CCNB3: variants seen among roughly 807,000 people sequenced by gnomAD.
The protein encoded by CCNB3 is cyclin B3, also known as G2/mitotic-specific cyclin-B3.
A neutral mutation model predicts 68.0 loss-of-function variants in CCNB3; 12 were observed. The observed-to-expected ratio is 0.18, with a 90% CI of 0.11 to 0.29. CCNB3 has a LOEUF of 0.29. CCNB3 is among the 10% of genes least tolerant of loss of function. The pLI, the probability that CCNB3 is intolerant of heterozygous loss-of-function variation, is 1.00. For synonymous variants in CCNB3, 354 were observed against 388.9 expected (o/e 0.91, Z 1.06); for missense variants, 904 against 993.1 (o/e 0.91, Z 1.21).
chrX:50,346,537 A>G, intron 9 of CCNB3, 115 bp from the exon 10 acceptor site: 1 of 748,119 alleles, frequency 1.3e-6, no homozygotes, highest in Non-Finnish European at 2.0e-6. Context: ...TCTCAGAGAT[A>G]CCCTGAAGAT....
intron 1 of CCNB3, among the ~76,000 whole-genome samples, chrX:50,213,510 A>G (rs2033637039): frequency 9.0e-6 from 1 of 111,603 alleles, no homozygotes; most frequent in Admixed American, 9.6e-5. Context: ...GCATCACTGT[A>G]AAAGTGTTCT....
At chrX:50,222,969 C>CT (rs1234978301) in intron 1 of CCNB3, among the ~76,000 whole-genome samples, 5 of 110,306 alleles carry the variant, frequency 4.5e-5, no homozygotes, top group Non-Finnish European at 7.6e-5. Flanking sequence ...CGTTCCTTTT[C>CT]TTTTTTTTCT....
intron 11 of CCNB3, among the ~76,000 whole-genome samples, chrX:50,351,039 C>T (rs1400233288): frequency 9.0e-6 from 1 of 111,316 alleles, no homozygotes; most frequent in Non-Finnish European, 1.9e-5. Context: ...TATAGCCATC[C>T]CAGTAGTTTG....
chrX:50,340,238 C>A (rs1923056871), intron 8 of CCNB3, among the ~76,000 whole-genome samples: 1 of 111,507 alleles, frequency 9.0e-6, no homozygotes, highest in African/African-American at 3.3e-5. Flanking sequence ...AAGGGGAGGT[C>A]CACTTAAGTG....
At position 50,346,810 on chromosome X, in the gene CCNB3, A is replaced by G. The variant is rs781940521; in HGVS notation, c.3810+3A>G. 1 of 1,206,099 alleles carries G rather than the reference A, an allele frequency of 8.3e-7. No individual in the cohort carries two copies. Among genetic ancestry groups the G allele is most frequent in the South Asian group, 1.8e-5 (1 of 55,616 alleles). On this transcript the variant is annotated splice_donor_region_variant and intron_variant, in intron 10 of 12. Transcript: ENST00000376042. ...ATTTTCTGCGCAGATATGCTAGGGT[A>G]AGAGAGAAGAGACACATCTTCATTC... is the stretch of plus-strand genomic sequence containing the variant.
chrX:50,351,570 C>T, intron 12 of CCNB3, 37 bp from the exon 13 acceptor site: 1 of 1,141,076 alleles, frequency 8.8e-7, no homozygotes, highest in African/African-American at 1.8e-5. Flanking sequence ...TGTATTTGCC[C>T]TATTCTATGC....
chrX:50,342,471 C>A, intron 9 of CCNB3, 132 bp downstream of exon 9: 1 of 598,336 alleles, frequency 1.7e-6, no homozygotes, highest in Non-Finnish European at 2.4e-6. Flanking sequence ...ACTGCTTATA[C>A]TATGGTGGTC....
chrX:50,295,773 G>A lies in CCNB3; in HGVS notation c.335+780G>A, dbSNP rs182446339. On this transcript the variant is annotated intron_variant, in intron 5 of 12. Coordinates refer to ENST00000376042, the MANE Select transcript of CCNB3 (RefSeq NM_033031.3). ...ATCCTGTATCTCTTGGAAACATGTA[G>A]GGCTGCTATTTAGCCAACACATACC... 7.2e-5 allele frequency among the ~76,000 whole-genome samples: 8 copies of A among 111,298 alleles called. No individual in the cohort carries two copies. In the East Asian group the frequency reaches 2.3e-3, roughly 32 times the overall value.
At chrX:50,323,566 TA>T (rs1434697000) in intron 8 of CCNB3, among the ~76,000 whole-genome samples, 2 of 112,138 alleles carry the variant, frequency 1.8e-5, no homozygotes, top group Admixed American at 9.4e-5. Context: ...TAAAGTATAA[TA>T]AAAAAAATTT....
chrX:50,290,305 C>A (rs934695475), intron 4 of CCNB3, among the ~76,000 whole-genome samples: 13 of 111,756 alleles, frequency 1.2e-4, no homozygotes, highest in African/African-American at 3.9e-4. Flanking sequence ...GATCAAGGTG[C>A]TGGCAGATTT....
chrX:50,280,182 T>A (rs1936105310), intron 1 of CCNB3, among the ~76,000 whole-genome samples: 1 of 90,761 alleles, frequency 1.1e-5, no homozygotes, highest in Non-Finnish European at 2.1e-5. Context: ...AATATATATA[T>A]AAATATATAT....
chrX:50,222,063 T>A (rs1935682570), intron 1 of CCNB3, among the ~76,000 whole-genome samples: 1 of 110,868 alleles, frequency 9.0e-6, no homozygotes, highest in Non-Finnish European at 1.9e-5. Context: ...TGGTTTAAAG[T>A]CTGTTTTAGA....
chrX:50,318,446 G>C (rs1921849562), intron 8 of CCNB3, among the ~76,000 whole-genome samples: 1 of 111,170 alleles, frequency 9.0e-6, no homozygotes, highest in Non-Finnish European at 1.9e-5. Context: ...CTGGGAGGCG[G>C]AAGTTACAGT....
chrX:50,349,237 T>A (rs1008024958), intron 11 of CCNB3, among the ~76,000 whole-genome samples: 25 of 112,045 alleles, frequency 2.2e-4, no homozygotes, highest in Non-Finnish European at 4.5e-4. Context: ...GAGTGTGTTG[T>A]GTTTAGGGCA....
intron 1 of CCNB3, among the ~76,000 whole-genome samples, chrX:50,228,748 AATATATAGAAATAT>A (rs1935988394): frequency 1.5e-5 from 1 of 66,876 alleles, no homozygotes; most frequent in African/African-American, 5.9e-5. Flanking sequence ...AAACATATAG[AATATATAGAAATAT>A]ATATATAGAA....
intron 5 of CCNB3, among the ~76,000 whole-genome samples, chrX:50,303,941 T>C (rs190058697): frequency 4.5e-5 from 5 of 112,059 alleles, no homozygotes; most frequent in Middle Eastern, 4.6e-3. Context: ...CCTGTTTTCT[T>C]CTAAGAATTT....
chrX:50,306,596 C>G (rs1921088296), intron 5 of CCNB3, among the ~76,000 whole-genome samples: 1 of 111,755 alleles, frequency 8.9e-6, no homozygotes, highest in African/African-American at 3.2e-5. Flanking sequence ...ACGATGTTTG[C>G]TTTGGGTTTT....
At position 50,309,565 on chromosome X, in the gene CCNB3, C is replaced by T; in HGVS notation, c.1396C>T (p.Pro466Ser). 1.7e-6 allele frequency: 2 copies of T among 1,209,069 alleles called. No individual in the cohort carries two copies. Among genetic ancestry groups the T allele is most frequent in the Non-Finnish European group, 2.2e-6 (2 of 894,918 alleles). Residue 466 changes from proline (P) to serine (S), a missense_variant, in exon 6 of 13, where the codon CCT becomes TCT. Pro to Ser is a moderately conservative substitution (Grantham distance 74). Around this residue, in one of 2 missense-constraint regions of CCNB3, gnomAD observed 619 missense variants for 609.8 expected, o/e 1.02. Coordinates refer to ENST00000376042, the MANE Select transcript of CCNB3 (RefSeq NM_033031.3). ...SLLKSPTEESPFDEALAFTKK... is the reference protein window; with the variant it reads ...SLLKSPTEESSFDEALAFTKK... The stretch of plus-strand genomic sequence containing the variant: ...GCTAAAGTCTCCAACTGAGGAGTCA[C>T]CTTTTGATGAGGCTTTGGCTTTTAC...
chrX:50,351,829 T>C lies in CCNB3; in HGVS notation c.*126T>C, dbSNP rs1321696279. On this transcript the variant is annotated 3_prime_UTR_variant, in exon 13 of 13. Transcript: ENST00000376042. ...TTTCCCAAACTGATAATGTTATAAA[T>C]ATTTATGTTGCTTGTTTTTATGAAA... 17 of 443,617 alleles carry C rather than the reference T, an allele frequency of 3.8e-5. No homozygotes were observed. Among genetic ancestry groups the C allele is most frequent in the Non-Finnish European group, 5.8e-5 (16 of 273,721 alleles). The allele number at this position is 443,617 out of a possible 1,213,427, so 36.6% of individuals were successfully genotyped here.
Sources: gnomAD v4.1 joint callset for allele counts (sites outside exome capture counted in the v4.1 genomes callset) on GRCh38, gnomAD v4.1.1 for gene constraint, gnomAD v4.1.1 regional missense constraint, MANE v1.5 for transcripts, NCBI Gene and HGNC (gene_info 2026-07-23, HGNC 2026-07-21) for gene names.